The following PRKN variants were observed in gnomAD, a reference collection of about 807,000 sequenced individuals.
PRKN encodes E3 ubiquitin-protein ligase parkin.
Under a neutral mutation model 59.5 loss-of-function variants are expected in PRKN, and 56 were observed. The ratio of observed to expected loss-of-function variants is 0.94; its 90% CI spans 0.76 to 1.18. The LOEUF (loss-of-function observed/expected upper bound fraction) is 1.18. Among genes scored for constraint, PRKN ranks in the 50% most tolerant of loss-of-function variants. The pLI, the probability that PRKN is intolerant of heterozygous loss-of-function variation, is 0.00. For missense variants in PRKN, 657 were observed against 596.4 expected (o/e 1.10, Z -1.06); for synonymous variants, 250 against 222.1 (o/e 1.13, Z -1.12).
chr6:161,909,007 A>C (rs1562383231), intron 6 of PRKN, among the ~76,000 whole-genome samples: 1 of 152,190 alleles, frequency 6.6e-6, no homozygotes. Context: ...CTGTAATGTA[A>C]GGGGCGCTGT....
intron 1 of PRKN, among the ~76,000 whole-genome samples, chr6:162,709,988 C>G (rs183510266): frequency 6.6e-6 from 1 of 152,016 alleles, no homozygotes; most frequent in South Asian, 2.1e-4. Flanking sequence ...TAAACGGAAC[C>G]GTGGATATTG....
At position 161,393,453 on chromosome 6, in the gene PRKN, C is replaced by G. The variant is rs906760959; in HGVS notation, c.1084-6576G>C. Reference sequence around the variant, plus strand: ...GCTGAGGTAAGTCACTGTCAGCCCCCTTAGACGCTCTGTACTACCAGAGAG... The same window carrying G: ...GCTGAGGTAAGTCACTGTCAGCCCCGTTAGACGCTCTGTACTACCAGAGAG... On this transcript the variant is annotated intron_variant, in intron 9 of 11. Coordinates refer to ENST00000366898, the MANE Select transcript of PRKN (RefSeq NM_004562.3). This position sits in a 1 kb window ranked among gnomAD's most constrained non-coding sequence, Gnocchi z 4.7. Among the ~76,000 whole-genome samples the G allele has an allele frequency of 2.6e-5, 4 of 152,108 alleles. No homozygotes were observed. Among genetic ancestry groups the G allele is most frequent in the Non-Finnish European group, 5.9e-5 (4 of 68,042 alleles).
intron 3 of PRKN, among the ~76,000 whole-genome samples, chr6:162,229,198 T>A (rs1034767112): frequency 6.6e-6 from 1 of 152,180 alleles, no homozygotes; most frequent in African/African-American, 2.4e-5. Flanking sequence ...GAATCCCTGA[T>A]TGTTCTTCAA....
chr6:161,762,688 A>G (rs1049839523), intron 7 of PRKN, among the ~76,000 whole-genome samples: 1 of 152,238 alleles, frequency 6.6e-6, no homozygotes, highest in Non-Finnish European at 1.5e-5. Context: ...CATTCAGTGT[A>G]CTATAGAGCT....
intron 2 of PRKN, among the ~76,000 whole-genome samples, chr6:162,300,220 G>A (rs1583337884): frequency 6.6e-6 from 1 of 151,694 alleles, no homozygotes; most frequent in Admixed American, 6.6e-5. Context: ...TGTTTTGTCG[G>A]CCTTTAAAAA....
intron 7 of PRKN, among the ~76,000 whole-genome samples, chr6:161,746,235 A>G (rs183263646): frequency 4.0e-4 from 61 of 152,280 alleles, no homozygotes; most frequent in African/African-American, 1.4e-3. Context: ...ATTGTGCCAC[A>G]CTGCCTTCTG....
chr6:161,880,286 T>C (rs1224747732), intron 6 of PRKN, among the ~76,000 whole-genome samples: 1 of 152,198 alleles, frequency 6.6e-6, no homozygotes, highest in Non-Finnish European at 1.5e-5. Context: ...CGATAACATG[T>C]GCTAAGATAT....
At chr6:161,809,028 A>G (rs576456985) in intron 6 of PRKN, among the ~76,000 whole-genome samples, 2 of 152,152 alleles carry the variant, frequency 1.3e-5, no homozygotes, top group South Asian at 4.2e-4. Context: ...TTTTGTAGAG[A>G]TGGGGTTTCT....
chr6:161,884,551 T>C (rs962889083), intron 6 of PRKN, among the ~76,000 whole-genome samples: 2 of 152,210 alleles, frequency 1.3e-5, no homozygotes, highest in African/African-American at 4.8e-5. Flanking sequence ...ACTTTTGATG[T>C]AGGGCTCTAT....
In PRKN at chr6:161,388,576, C is replaced by T. The variant is rs139235131; in HGVS notation, c.1084-1699G>A. 3.7e-4 allele frequency among the ~76,000 whole-genome samples: 56 copies of T among 152,304 alleles called. No homozygotes were observed. In the East Asian group the frequency reaches 0.011, roughly 29 times the overall value. ...GGCAAACTGACAGTATCCTCTTTCC[C>T]TTGAGAGGTGGGCTTTATGTCTCTT... On this transcript the variant is annotated intron_variant, in intron 9 of 11. Transcript: ENST00000366898. This position sits in a 1 kb window ranked among gnomAD's most constrained non-coding sequence, Gnocchi z 4.3.
At chr6:161,893,115 A>T (rs1326009979) in intron 6 of PRKN, among the ~76,000 whole-genome samples, 3 of 152,244 alleles carry the variant, frequency 2.0e-5, no homozygotes, top group African/African-American at 7.2e-5. Context: ...TGCTGGGATT[A>T]CAGGCGTGAG....
At position 161,545,312 on chromosome 6, in the gene PRKN, T is replaced by A. The variant is rs887807571; in HGVS notation, c.1083+3542A>T. Reference sequence around the variant, plus strand: ...ACTGGAGTTAATGACGTCTAGGGCTTTTTCCACATCTGGAACTCTGTAATT... The same window carrying A: ...ACTGGAGTTAATGACGTCTAGGGCTATTTCCACATCTGGAACTCTGTAATT... On this transcript the variant is annotated intron_variant, in intron 9 of 11. Coordinates refer to ENST00000366898, the MANE Select transcript of PRKN (RefSeq NM_004562.3). This position sits in a 1 kb window ranked among gnomAD's most constrained non-coding sequence, Gnocchi z 4.1. The A allele has an allele frequency of 4.5e-6, 7 of 1,571,792 alleles. No individual in the cohort carries two copies. The highest frequency in any genetic ancestry group is 6.0e-6 in the Non-Finnish European group (7 of 1,158,006).
rs985967050 is a variant in PRKN at position 161,885,492 on chromosome 6, G to A, written c.734+87810C>T. On this transcript the variant is annotated intron_variant, in intron 6 of 11. Coordinates refer to ENST00000366898, the MANE Select transcript of PRKN (RefSeq NM_004562.3). ...ATCCTGGCTAACACAGTGAAACCCC[G>A]TCTCTACTAAAAATACAAAAAAATT... 4.6e-5 allele frequency among the ~76,000 whole-genome samples: 7 copies of A among 152,014 alleles called. No individual in the cohort carries two copies. The South Asian group carries it at 8.3e-4, about 18-fold the overall frequency.
chr6:161,651,769 T>G (rs1385940898), intron 7 of PRKN, among the ~76,000 whole-genome samples: 2 of 152,188 alleles, frequency 1.3e-5, no homozygotes, highest in African/African-American at 2.4e-5. Flanking sequence ...AAGTTTCTTG[T>G]CAAAAGAGAT....
Position 162,258,703 on chromosome 6 carries a change from C to T in PRKN, c.412+3822G>A, listed in dbSNP as rs146393526. On this transcript the variant is annotated intron_variant, in intron 3 of 11. Transcript: ENST00000366898. ...CAAGGCCAACTGGTCTGGGCCCAGT[C>T]ATCTGTGCTTTTATAGGTCCTCAGG... is the stretch of plus-strand genomic sequence containing the variant. Among the ~76,000 whole-genome samples the T allele has an allele frequency of 1.2e-3, 186 of 152,306 alleles. 1 individual carries two copies. In the Middle Eastern group the frequency reaches 0.014, roughly 11 times the overall value.
intron 1 of PRKN, among the ~76,000 whole-genome samples, chr6:162,719,379 A>G (rs1778848078): frequency 6.6e-6 from 1 of 152,014 alleles, no homozygotes; most frequent in Non-Finnish European, 1.5e-5. Context: ...AGAGAGCTAT[A>G]AAGGACTTTC....
chr6:162,025,752 T>C (rs1220276626), intron 5 of PRKN, among the ~76,000 whole-genome samples: 4 of 151,566 alleles, frequency 2.6e-5, no homozygotes, highest in Admixed American at 1.3e-4. Context: ...ACCTGGCTAA[T>C]TTTTTTTCAT....
At chr6:162,226,365 G>A (rs1778181779) in intron 3 of PRKN, among the ~76,000 whole-genome samples, 1 of 152,082 alleles carries the variant, frequency 6.6e-6, no homozygotes, top group South Asian at 2.1e-4. Flanking sequence ...GTGGATAGGG[G>A]CCCTAGGGCT....
intron 3 of PRKN, among the ~76,000 whole-genome samples, chr6:162,238,592 C>T (rs1778845936): frequency 6.6e-6 from 1 of 152,180 alleles, no homozygotes; most frequent in South Asian, 2.1e-4. Flanking sequence ...GGAGCCAAGA[C>T]CCTGGGAGTT....
Sources: allele counts gnomAD v4.1 joint callset (sites outside exome capture counted in the v4.1 genomes callset), GRCh38; gene constraint gnomAD v4.1.1; non-coding constraint Gnocchi (gnomAD v3.1); transcripts MANE v1.5; gene names NCBI Gene and HGNC (gene_info 2026-07-23, HGNC 2026-07-21).